CORO2B: variants seen among roughly 807,000 people sequenced by gnomAD.
CORO2B encodes the protein coronin 2B, also known as coronin-2B.
A neutral mutation model predicts 58.8 loss-of-function variants in CORO2B; 26 were observed. The ratio of observed to expected loss-of-function variants is 0.44; its 90% CI spans 0.32 to 0.61. The LOEUF is 0.61. Ranked by LOEUF, CORO2B falls within the 20% of genes least tolerant of loss-of-function variation. The probability of loss-of-function intolerance (pLI) is 0.04; values close to 1 mark genes in which losing one functional copy is unlikely to be tolerated. For synonymous variants in CORO2B, 242 were observed against 253.8 expected, an observed-to-expected ratio of 0.95 and a Z score of 0.44; for missense variants, 460 against 645.1, an observed-to-expected ratio of 0.71 and a Z score of 3.11.
intron 8 of CORO2B, among the ~76,000 whole-genome samples, chr15:68,717,733 G>C (rs1893065432): frequency 6.6e-6 from 1 of 152,158 alleles, no homozygotes; most frequent in Admixed American, 6.5e-5. Flanking sequence ...AATCCCATTT[G>C]GGAAACCATT....
chr15:68,676,858 A>G (rs938214616), intron 2 of CORO2B, among the ~76,000 whole-genome samples: 1 of 151,752 alleles, frequency 6.6e-6, no homozygotes, highest in South Asian at 2.1e-4. Context: ...TGCAGTCTCT[A>G]CTTCCTGGAT....
chr15:68,713,312 G>A (rs534038604), intron 5 of CORO2B, among the ~76,000 whole-genome samples: 86 of 152,322 alleles, frequency 5.6e-4, no homozygotes, highest in South Asian at 6.2e-4. Context: ...CTGAAGTGGT[G>A]TAGCCCCCAA....
rs1418772816 is a variant in CORO2B, at chr15:68,695,178, C to T, written c.255C>T (p.Gly85=). Residue 85 remains glycine, a synonymous_variant, in exon 3 of 12, where the codon GGC becomes GGT. Coordinates refer to ENST00000261861, the MANE Select transcript of CORO2B (RefSeq NM_006091.5). ...RIEPNYPKVC[G]HQGNVLDIKW... ...AACCCAACTACCCCAAGGTCTGCGGCCACCAGGGCAATGTGCTGGATATCA... is the reference window on the plus strand; with the variant it reads ...AACCCAACTACCCCAAGGTCTGCGGTCACCAGGGCAATGTGCTGGATATCA... The T allele has an allele frequency of 1.2e-6, 2 of 1,614,156 alleles. No homozygotes were observed. Among genetic ancestry groups the T allele is most frequent in the Non-Finnish European group, 1.7e-6 (2 of 1,180,024 alleles).
chr15:68,650,356 TAAAAAAAAAAAAAAAAAA>T (rs532431600), intron 2 of CORO2B, among the ~76,000 whole-genome samples: 10 of 86,084 alleles, frequency 1.2e-4, no homozygotes, highest in African/African-American at 4.4e-4. Context: ...AAACTCTGTC[TAAAAAAAAAAAAAAAAAA>T]AAAAAAAAAA....
Position 68,649,539 on chromosome 15 carries a change from T to C in CORO2B, c.216+4179T>C, listed in dbSNP as rs541132896. Among the ~76,000 whole-genome samples the C allele has an allele frequency of 7.9e-5, 12 of 152,334 alleles. No individual in the cohort carries two copies. The South Asian group carries it at 2.5e-3, about 32-fold the overall frequency. On this transcript the variant is annotated intron_variant, in intron 2 of 11. Coordinates refer to ENST00000261861, the MANE Select transcript of CORO2B (RefSeq NM_006091.5). ...GTAGAGCAGTCTCGTTCTCCAGCGT[T>C]CAGTCTCAGGATCACTTTCCACTCT...
intron 2 of CORO2B, among the ~76,000 whole-genome samples, chr15:68,686,030 T>G (rs972605107): frequency 1.3e-4 from 20 of 150,054 alleles, no homozygotes; most frequent in African/African-American, 4.9e-4. Flanking sequence ...GTTTTTTTTT[T>G]TTTTTTTCTT....
the CORO2B span, among the ~76,000 whole-genome samples, chr15:68,525,380 T>C: frequency 3.9e-5 from 6 of 152,216 alleles, no homozygotes; most frequent in African/African-American, 1.4e-4. Flanking sequence ...TACAGATGTT[T>C]TGAAGCAAAT....
intron 6 of CORO2B, 103 bp downstream of exon 6, chr15:68,714,144 C>T: frequency 1.4e-6 from 1 of 725,278 alleles, no homozygotes; most frequent in South Asian, 1.7e-5. Flanking sequence ...ACACCAGCTT[C>T]TCATAGCATT....
chr15:68,638,743 C>T (rs1163648088), intron 1 of CORO2B, among the ~76,000 whole-genome samples: 1 of 152,232 alleles, frequency 6.6e-6, no homozygotes, highest in African/African-American at 2.4e-5. Context: ...TCTCTTTTAA[C>T]TCCTCCATGA....
At chr15:68,699,295 C>T (rs1265017754) in intron 3 of CORO2B, among the ~76,000 whole-genome samples, 1 of 152,092 alleles carries the variant, frequency 6.6e-6, no homozygotes, top group East Asian at 1.9e-4. Context: ...GCCATCTGAG[C>T]ATCAGTGGAC....
chr15:68,548,567 T>C, the CORO2B span, among the ~76,000 whole-genome samples: 1 of 152,210 alleles, frequency 6.6e-6, no homozygotes, highest in African/African-American at 2.4e-5. Flanking sequence ...TGTGCGTACA[T>C]ATGAAAGTTT....
At chr15:68,539,804 A>G in the CORO2B span, among the ~76,000 whole-genome samples, 1 of 150,862 alleles carries the variant, frequency 6.6e-6, no homozygotes, top group Non-Finnish European at 1.5e-5. Context: ...TATTGTCCCA[A>G]ACAAACAAAA....
chr15:68,709,325 A>G (rs956081089), intron 3 of CORO2B, among the ~76,000 whole-genome samples: 4 of 152,180 alleles, frequency 2.6e-5, no homozygotes, highest in Admixed American at 2.6e-4. Flanking sequence ...TTACCTTGCC[A>G]ACACTGGCTC....
the CORO2B span, among the ~76,000 whole-genome samples, chr15:68,544,779 T>C: frequency 6.6e-6 from 1 of 151,202 alleles, no homozygotes; most frequent in African/African-American, 2.4e-5. Context: ...CACATTCTTT[T>C]TTTTTTTTTT....
the CORO2B span, among the ~76,000 whole-genome samples, chr15:68,569,334 G>A: frequency 9.4e-3 from 1,425 of 152,150 alleles, 31 homozygotes; most frequent in African/African-American, 0.032. Flanking sequence ...TGATCTTTTC[G>A]CTGTCTCCAT....
chr15:68,654,040 T>A (rs1257263885), intron 2 of CORO2B, among the ~76,000 whole-genome samples: 1 of 152,224 alleles, frequency 6.6e-6, no homozygotes, highest in African/African-American at 2.4e-5. Context: ...ACAGCCTGAA[T>A]GTACAGTAAG....
At chr15:68,577,019 G>C (rs1394480486), upstream of CORO2B, among the ~76,000 whole-genome samples, 5 of 152,162 alleles carry the variant, frequency 3.3e-5, no homozygotes, top group Non-Finnish European at 5.9e-5. Flanking sequence ...GGATGCGTTT[G>C]AGTTAGTGCA....
At chr15:68,527,435 C>G in the CORO2B span, among the ~76,000 whole-genome samples, 153 of 152,132 alleles carry the variant, frequency 1.0e-3, 3 homozygotes, top group African/African-American at 3.7e-3. Context: ...TGTTGGAAGA[C>G]TCTCTTTTCC....
intron 1 of CORO2B, among the ~76,000 whole-genome samples, chr15:68,599,937 G>A (rs1595960293): frequency 6.6e-6 from 1 of 152,316 alleles, no homozygotes; most frequent in Middle Eastern, 3.4e-3. Flanking sequence ...CTTGGAGACT[G>A]GCTAGGAGGC....
Sources: allele counts gnomAD v4.1 joint callset (sites outside exome capture counted in the v4.1 genomes callset), GRCh38; gene constraint gnomAD v4.1.1; transcripts MANE v1.5; gene names NCBI Gene and HGNC (gene_info 2026-07-23, HGNC 2026-07-21).